The following PACRG variants were observed in gnomAD, a reference collection of about 807,000 sequenced individuals.
The protein encoded by PACRG is parkin coregulated gene protein.
Under a neutral mutation model 29.7 loss-of-function variants are expected in PACRG, and 29 were observed. The observed-to-expected ratio is 0.98, with a 90% confidence interval of 0.73 to 1.33. PACRG has a LOEUF of 1.33. Among genes scored for constraint, PACRG ranks in the 40% most tolerant of loss-of-function variants. The probability of loss-of-function intolerance (pLI) is 0.00; values close to 1 mark genes in which losing one functional copy is unlikely to be tolerated. For synonymous variants in PACRG, 116 were observed against 118.7 expected (o/e 0.98, Z 0.15); for missense variants, 279 against 316.2 (o/e 0.88, Z 0.89).
chr6:163,128,025 T>C (rs1430557089), intron 4 of PACRG, among the ~76,000 whole-genome samples: 1 of 152,234 alleles, frequency 6.6e-6, no homozygotes, highest in Non-Finnish European at 1.5e-5. Context: ...TCAAACAGCT[T>C]CAAAATTTCC....
chr6:162,727,896 G>A, upstream of PACRG: 1 of 594,188 alleles, frequency 1.7e-6, no homozygotes, highest in Non-Finnish European at 3.0e-6. Flanking sequence ...GCCCCCCACC[G>A]CCGCCCTTTC....
intron 4 of PACRG, among the ~76,000 whole-genome samples, chr6:163,232,368 A>G (rs1220960077): frequency 6.6e-6 from 1 of 152,188 alleles, no homozygotes; most frequent in Non-Finnish European, 1.5e-5. Flanking sequence ...CTGGTAGAGT[A>G]GCTCTTAGCT....
chr6:162,820,643 A>AT (rs976739478), intron 2 of PACRG, among the ~76,000 whole-genome samples: 7 of 139,954 alleles, frequency 5.0e-5, no homozygotes, highest in African/African-American at 2.1e-4. Flanking sequence ...TTTCTTAAGG[A>AT]TTTTAAAAAA....
In PACRG at chr6:162,747,361, TATACACATAC is replaced by T. The variant is rs1352487305; in HGVS notation, c.156+18974_156+18983del. Among the ~76,000 whole-genome samples, 227 of 43,840 alleles carry T rather than the reference TATACACATAC, an allele frequency of 5.2e-3. 14 individuals carry two copies. Among genetic ancestry groups the T allele is most frequent in the South Asian group, 0.018 (18 of 1,028 alleles). 28.8% of individuals were successfully genotyped at this position (43,840 alleles called of 152,430 possible). On this transcript the variant is annotated intron_variant, in intron 1 of 4. Coordinates refer to ENST00000366888, the MANE Select transcript of PACRG (RefSeq NM_001080379.2). Reference sequence around the variant, plus strand: ...ATATATATATATATATATATATATATATACACATACATATATATGTATATATATGTATATA... The same window carrying T: ...ATATATATATATATATATATATATATATATATATGTATATATATGTATATA...
chr6:162,769,132 G>A (rs772915371), intron 1 of PACRG, among the ~76,000 whole-genome samples: 4 of 152,028 alleles, frequency 2.6e-5, no homozygotes, highest in Non-Finnish European at 5.9e-5. Context: ...ACAGCATATG[G>A]GGGAGAATCT....
At chr6:162,879,396 G>A (rs1001147935) in intron 2 of PACRG, among the ~76,000 whole-genome samples, 1 of 152,152 alleles carries the variant, frequency 6.6e-6, no homozygotes, top group African/African-American at 2.4e-5. Context: ...AAGTAACATT[G>A]CCACCATGTG....
chr6:163,274,861 C>CTTTTTTTTTTTTTTTTTTT (rs58333018), intron 4 of PACRG, among the ~76,000 whole-genome samples: 4 of 126,324 alleles, frequency 3.2e-5, no homozygotes, highest in African/African-American at 6.0e-5. Flanking sequence ...TTCTTTCTTT[C>CTTTTTTTTTTTTTTTTTTT]TTTTTTTTTT....
At chr6:163,191,636 C>G (rs774345935) in intron 4 of PACRG, 27 of 456,074 alleles carry the variant, frequency 5.9e-5, no homozygotes, top group Non-Finnish European at 7.1e-5. Flanking sequence ...ACTGTGGCTG[C>G]ACTCCACCAG....
intron 2 of PACRG, among the ~76,000 whole-genome samples, chr6:163,011,116 A>G (rs1805572431): frequency 7.0e-6 from 1 of 142,668 alleles, no homozygotes; most frequent in South Asian, 2.6e-4. Flanking sequence ...AGAGGAAGAA[A>G]AGGGGCTGGG....
chr6:163,239,001 A>G (rs945863478), intron 4 of PACRG, among the ~76,000 whole-genome samples: 2 of 152,322 alleles, frequency 1.3e-5, no homozygotes, highest in East Asian at 1.9e-4. Flanking sequence ...CTGTGTCTAT[A>G]TCCCCAACTA....
chr6:162,750,600 A>C (rs1781441418), intron 1 of PACRG, among the ~76,000 whole-genome samples: 1 of 152,346 alleles, frequency 6.6e-6, no homozygotes, highest in South Asian at 2.1e-4. Flanking sequence ...TAGTGTCCAC[A>C]ATGCTGTTTA....
chr6:163,266,308 T>A (rs1783526616), intron 4 of PACRG, among the ~76,000 whole-genome samples: 1 of 152,218 alleles, frequency 6.6e-6, no homozygotes, highest in Admixed American at 6.5e-5. Flanking sequence ...AAATAGGATA[T>A]CTCGTAAAGA....
At chr6:163,092,169 C>T (rs1044828978) in intron 4 of PACRG, among the ~76,000 whole-genome samples, 12 of 152,102 alleles carry the variant, frequency 7.9e-5, no homozygotes, top group Non-Finnish European at 1.6e-4. Context: ...TGTCAGCATC[C>T]CCTCAAAGCG....
At chr6:163,305,710 G>A (rs1233106959) in intron 4 of PACRG, among the ~76,000 whole-genome samples, 1 of 152,156 alleles carries the variant, frequency 6.6e-6, no homozygotes, top group Non-Finnish European at 1.5e-5. Context: ...GTATCTCTGT[G>A]AGTGATACTA....
At chr6:162,872,858 A>G (rs1792943615) in intron 2 of PACRG, among the ~76,000 whole-genome samples, 1 of 152,154 alleles carries the variant, frequency 6.6e-6, no homozygotes, top group South Asian at 2.1e-4. Flanking sequence ...AGTTTCAGGG[A>G]ATGAGCGCTC....
At chr6:163,297,387 T>C (rs1389486326) in intron 4 of PACRG, among the ~76,000 whole-genome samples, 1 of 152,198 alleles carries the variant, frequency 6.6e-6, no homozygotes, top group East Asian at 1.9e-4. Context: ...TGAAGATAAA[T>C]AGCAGACTTC....
chr6:163,262,616 A>T (rs569911800), intron 4 of PACRG, among the ~76,000 whole-genome samples: 1 of 151,972 alleles, frequency 6.6e-6, no homozygotes, highest in African/African-American at 2.4e-5. Flanking sequence ...AGACATGGCC[A>T]TCGGCATTCC....
intron 1 of PACRG, among the ~76,000 whole-genome samples, chr6:162,784,765 A>C: frequency 6.6e-6 from 1 of 152,162 alleles, no homozygotes; most frequent in East Asian, 1.9e-4. Context: ...GTGCTCACTG[A>C]GACTGTGGCT....
intron 2 of PACRG, among the ~76,000 whole-genome samples, chr6:162,887,555 G>A (rs115502339): frequency 2.0e-5 from 3 of 152,276 alleles, no homozygotes; most frequent in Admixed American, 6.5e-5. Context: ...ATGTGGACAC[G>A]TTCTTGTAAA....
Sources: allele counts gnomAD v4.1 joint callset (sites outside exome capture counted in the v4.1 genomes callset), GRCh38; gene constraint gnomAD v4.1.1; transcripts MANE v1.5; gene names NCBI Gene and HGNC (gene_info 2026-07-23, HGNC 2026-07-21).